The following GALNT13 variants were observed in gnomAD, a reference collection of about 807,000 sequenced individuals.
The protein encoded by GALNT13 is polypeptide N-acetylgalactosaminyltransferase 13.
Under a neutral mutation model 64.2 loss-of-function variants are expected in GALNT13, and 28 were observed. The observed-to-expected ratio is 0.44, with a 90% confidence interval of 0.32 to 0.60. The LOEUF is 0.60. Ranked by LOEUF, GALNT13 falls within the 20% of genes least tolerant of loss-of-function variation. The pLI is 0.05. For synonymous variants in GALNT13, 214 were observed against 224.6 expected (o/e 0.95, Z 0.42); for missense variants, 577 against 669.8 (o/e 0.86, Z 1.53).
the GALNT13 span, among the ~76,000 whole-genome samples, chr2:153,474,287 G>C: frequency 1.3e-5 from 2 of 152,116 alleles, no homozygotes; most frequent in Admixed American, 1.3e-4. Flanking sequence ...CTTATTTTAG[G>C]GATCAGGCCA....
chr2:153,117,428 A>G, the GALNT13 span, among the ~76,000 whole-genome samples: 31 of 152,318 alleles, frequency 2.0e-4, no homozygotes, highest in Middle Eastern at 3.4e-3. Flanking sequence ...ATCCTCATAA[A>G]GTGGAATGGC....
intron 9 of GALNT13, among the ~76,000 whole-genome samples, chr2:154,385,722 G>A (rs927085494): frequency 6.6e-6 from 1 of 151,930 alleles, no homozygotes; most frequent in African/African-American, 2.4e-5. Context: ...TACTTCCGGT[G>A]CCTAACTAAA....
the GALNT13 span, among the ~76,000 whole-genome samples, chr2:153,826,162 T>A: frequency 6.6e-6 from 1 of 152,166 alleles, no homozygotes; most frequent in South Asian, 2.1e-4. Flanking sequence ...GAGGGCCTTC[T>A]TTCTGGTATA....
intron 4 of GALNT13, among the ~76,000 whole-genome samples, chr2:154,157,955 G>A (rs888660719): frequency 1.3e-5 from 2 of 151,990 alleles, no homozygotes; most frequent in East Asian, 3.9e-4. Flanking sequence ...TTCATTATTT[G>A]CTGATACCTT....
intron 3 of GALNT13, among the ~76,000 whole-genome samples, chr2:154,124,801 A>G (rs1682160730): frequency 6.6e-6 from 1 of 152,132 alleles, no homozygotes; most frequent in African/African-American, 2.4e-5. Context: ...ATGAAATGTG[A>G]TGCCCTTAAA....
chr2:153,846,488 G>A, the GALNT13 span, among the ~76,000 whole-genome samples: 4 of 152,130 alleles, frequency 2.6e-5, no homozygotes, highest in South Asian at 4.1e-4. Context: ...AAGAAAAGGC[G>A]AACAAGTTGG....
chr2:153,569,941 C>T, the GALNT13 span, among the ~76,000 whole-genome samples: 4 of 152,184 alleles, frequency 2.6e-5, no homozygotes, highest in East Asian at 1.9e-4. Context: ...TGAGAACACA[C>T]GATGTTTGTC....
At chr2:154,026,627 G>A (rs1350543026) in intron 3 of GALNT13, among the ~76,000 whole-genome samples, 1 of 152,190 alleles carries the variant, frequency 6.6e-6, no homozygotes, top group East Asian at 1.9e-4. Flanking sequence ...GCAGGAGAGA[G>A]TGCAAGTTAT....
At chr2:154,058,481 A>G (rs1450366341) in intron 3 of GALNT13, among the ~76,000 whole-genome samples, 3 of 152,256 alleles carry the variant, frequency 2.0e-5, no homozygotes, top group Admixed American at 2.0e-4. Context: ...GAACACAGGA[A>G]AAGTGGGAAA....
At chr2:153,648,765 C>T in the GALNT13 span, among the ~76,000 whole-genome samples, 2 of 140,058 alleles carry the variant, frequency 1.4e-5, no homozygotes, top group East Asian at 2.2e-4. Context: ...TGCTGGATTA[C>T]GTTTATTGAT....
intron 4 of GALNT13, among the ~76,000 whole-genome samples, chr2:154,229,039 C>T (rs571480079): frequency 3.3e-5 from 5 of 151,968 alleles, no homozygotes; most frequent in Admixed American, 1.3e-4. Flanking sequence ...GCTGTATACC[C>T]GGGGCAAGCC....
intron 4 of GALNT13, among the ~76,000 whole-genome samples, chr2:154,174,239 A>C (rs1685524862): frequency 6.6e-6 from 1 of 152,154 alleles, no homozygotes. Context: ...ACTACCTCAG[A>C]GTGTTTTCAA....
chr2:154,195,451 T>G (rs531586124), intron 4 of GALNT13, among the ~76,000 whole-genome samples: 97 of 152,214 alleles, frequency 6.4e-4, no homozygotes, highest in African/African-American at 2.3e-3. Context: ...CTCAACCGGG[T>G]GAAACAGAGA....
chr2:153,827,088 G>T, the GALNT13 span, among the ~76,000 whole-genome samples: 1 of 151,996 alleles, frequency 6.6e-6, no homozygotes, highest in African/African-American at 2.4e-5. Context: ...TCACATGATT[G>T]TAGAGGCCTT....
chr2:153,216,596 C>T, the GALNT13 span, among the ~76,000 whole-genome samples: 2 of 151,954 alleles, frequency 1.3e-5, no homozygotes, highest in Admixed American at 1.3e-4. Flanking sequence ...AGCTTGTCAC[C>T]TGCATGTCCT....
chr2:153,471,018 A>G, the GALNT13 span, among the ~76,000 whole-genome samples: 3 of 152,198 alleles, frequency 2.0e-5, no homozygotes, highest in African/African-American at 4.8e-5. Context: ...GAATATGTAA[A>G]GTGGAGCCAG....
chr2:154,292,486 C>T (rs1426327960), intron 8 of GALNT13, among the ~76,000 whole-genome samples: 1 of 152,088 alleles, frequency 6.6e-6, no homozygotes, highest in East Asian at 1.9e-4. Flanking sequence ...ATTAGTTTGC[C>T]TTAATCCTCA....
chr2:153,529,191 GA>G, the GALNT13 span, among the ~76,000 whole-genome samples: 3 of 151,460 alleles, frequency 2.0e-5, no homozygotes, highest in African/African-American at 4.8e-5. Flanking sequence ...AAATAAAAAA[GA>G]AAAAAATCCA....
chr2:153,139,351 A>G, the GALNT13 span, among the ~76,000 whole-genome samples: 2 of 152,034 alleles, frequency 1.3e-5, no homozygotes, highest in Non-Finnish European at 2.9e-5. Flanking sequence ...TAGTGCTCAA[A>G]TGTCCTTTTT....
Sources: allele counts gnomAD v4.1 joint callset (sites outside exome capture counted in the v4.1 genomes callset), GRCh38; gene constraint gnomAD v4.1.1; transcripts MANE v1.5; gene names NCBI Gene and HGNC (gene_info 2026-07-23, HGNC 2026-07-21).